Variants in ENPP1 observed in about 807,000 individuals in gnomAD.
The protein encoded by ENPP1 is ectonucleotide pyrophosphatase/phosphodiesterase family member 1.
ENPP1 carries 73 observed loss-of-function variants against 122.8 expected under a neutral mutation model. That is an observed-to-expected ratio of 0.59 (90% confidence interval 0.49 to 0.72). The LOEUF (loss-of-function observed/expected upper bound fraction) is 0.72. Among genes scored for constraint, ENPP1 ranks in the 30% least tolerant of loss-of-function variants. The probability of loss-of-function intolerance (pLI) is 0.00; values close to 1 mark genes in which losing one functional copy is unlikely to be tolerated. For synonymous variants in ENPP1, 367 were observed against 391.6 expected (o/e 0.94, Z 0.74); for missense variants, 978 against 1,128.1 (o/e 0.87, Z 1.91).
intron 21 of ENPP1, 96 bp downstream of exon 21, chr6:131,882,570 A>AC: frequency 8.0e-6 from 3 of 373,122 alleles, no homozygotes; most frequent in Non-Finnish European, 1.4e-5. Context: ...TATATATATT[A>AC]CCTATTATAT....
At chr6:131,840,795 A>G (rs1781730284) in intron 1 of ENPP1, among the ~76,000 whole-genome samples, 1 of 152,182 alleles carries the variant, frequency 6.6e-6, no homozygotes, top group African/African-American at 2.4e-5. Flanking sequence ...CTCAAGAAAT[A>G]TTTGTTCAAT....
At chr6:131,808,307 A>G (rs1781306618) in intron 1 of ENPP1, 32 bp downstream of exon 1, 7 of 1,481,786 alleles carry the variant, frequency 4.7e-6, no homozygotes, top group African/African-American at 1.4e-5. Flanking sequence ...GGCGCCCGGG[A>G]GGGCTGGGAG....
At chr6:131,827,072 C>A in intron 1 of ENPP1, 1 of 620,478 alleles carries the variant, frequency 1.6e-6, no homozygotes, top group South Asian at 1.6e-5. Flanking sequence ...CCTCCAGGGT[C>A]TGCTCCAGGC....
chr6:131,869,309 A>AT, intron 12 of ENPP1, 49 bp from the exon 13 acceptor site: 3 of 1,601,114 alleles, frequency 1.9e-6, no homozygotes, highest in Middle Eastern at 1.7e-4. Context: ...TGCATATTAA[A>AT]TTTTTTGTTA....
At chr6:131,855,330 ATAT>A (rs1420530464) in intron 6 of ENPP1, among the ~76,000 whole-genome samples, 2 of 151,962 alleles carry the variant, frequency 1.3e-5, no homozygotes, top group African/African-American at 4.8e-5. Flanking sequence ...TATTTTACAA[ATAT>A]TATTATTTTT....
rs147346173 is a variant in ENPP1, at chr6:131,884,949, A to G, written c.2330A>G (p.His777Arg). ...GTTTCAGTTATATGGCGCTACTTTC[A>G]TGACACCCTACTGCGAAAGTATGCT... ...QSFQVIWRYF[H>R]DTLLRKYAEE... Residue 777 changes from histidine to arginine, a missense_variant, in exon 23 of 25, where the codon CAT becomes CGT. Physicochemically the swap from His to Arg is conservative, Grantham distance 29 (BLOSUM62 0). Transcript: ENST00000647893. 2.4e-4 allele frequency: 389 copies of G among 1,614,142 alleles called. No individual in the cohort carries two copies. Among genetic ancestry groups the G allele is most frequent in the Non-Finnish European group, 3.1e-4 (368 of 1,179,988 alleles).
chr6:131,857,450 C>A (rs1781962220), intron 6 of ENPP1, among the ~76,000 whole-genome samples: 2 of 150,888 alleles, frequency 1.3e-5, no homozygotes, highest in Non-Finnish European at 2.9e-5. Flanking sequence ...CACATATACA[C>A]CATGGAATCC....
chr6:131,838,323 C>A (rs1314170800), intron 1 of ENPP1, among the ~76,000 whole-genome samples: 1 of 151,960 alleles, frequency 6.6e-6, no homozygotes, highest in Non-Finnish European at 1.5e-5. Flanking sequence ...GTAGAAATAT[C>A]TTTCAAAAAC....
At chr6:131,816,371 C>A (rs1348180558) in intron 1 of ENPP1, among the ~76,000 whole-genome samples, 1 of 152,054 alleles carries the variant, frequency 6.6e-6, no homozygotes, top group Non-Finnish European at 1.5e-5. Flanking sequence ...TAAAATACCC[C>A]CCAAACAAGA....
intron 1 of ENPP1, among the ~76,000 whole-genome samples, chr6:131,840,493 T>C (rs533775173): frequency 2.6e-5 from 4 of 152,368 alleles, no homozygotes; most frequent in African/African-American, 7.2e-5. Flanking sequence ...CTTTCAGTGA[T>C]TGGATACTTC....
intron 1 of ENPP1, among the ~76,000 whole-genome samples, chr6:131,830,535 AT>A (rs1306001876): frequency 6.6e-6 from 1 of 152,208 alleles, no homozygotes; most frequent in Non-Finnish European, 1.5e-5. Context: ...CTGTCTGCAC[AT>A]TGTTGATTTA....
At chr6:131,864,469 TC>T in intron 9 of ENPP1, 36 bp from the exon 10 acceptor site, 1 of 1,366,494 alleles carries the variant, frequency 7.3e-7, no homozygotes, top group Non-Finnish European at 1.0e-6. Context: ...CAAACAATTG[TC>T]AGCCATCTTT....
chr6:131,872,803 G>GACAC, intron 14 of ENPP1, 120 bp from the exon 15 acceptor site: 1 of 1,008,698 alleles, frequency 9.9e-7, no homozygotes, highest in Non-Finnish European at 1.4e-6. Context: ...AAGAAAAGTT[G>GACAC]ACACTTTTTA....
chr6:131,837,395 G>A (rs994305415), intron 1 of ENPP1, among the ~76,000 whole-genome samples: 54 of 151,458 alleles, frequency 3.6e-4, no homozygotes, highest in Middle Eastern at 3.4e-3. Context: ...GTGTGGTGGC[G>A]CATGCCTGTA....
chr6:131,890,267 G>T (rs1388189913), intron 24 of ENPP1, 74 bp from the exon 25 acceptor site: 4 of 1,162,890 alleles, frequency 3.4e-6, no homozygotes, highest in Non-Finnish European at 5.2e-6. Context: ...ATTAAACTGG[G>T]GAGATGGAGC....
intron 1 of ENPP1, among the ~76,000 whole-genome samples, chr6:131,810,642 C>T (rs2114646349): frequency 6.6e-6 from 1 of 152,294 alleles, no homozygotes; most frequent in East Asian, 1.9e-4. Flanking sequence ...GAACTAATTG[C>T]AACCTGGGGT....
intron 1 of ENPP1, chr6:131,826,265 T>C (rs10457576): frequency 0.23 from 268,544 of 1,158,428 alleles, 33,813 homozygotes; most frequent in Non-Finnish European, 0.26. Context: ...TTGTTGTTGG[T>C]TACAGCACAG....
chr6:131,874,364 G>T (rs755441756), intron 16 of ENPP1, 27 bp downstream of exon 16: 2 of 1,300,562 alleles, frequency 1.5e-6, no homozygotes, highest in Admixed American at 1.7e-5. Flanking sequence ...TACTTAATTG[G>T]ATTAAATCTA....
chr6:131,883,846 T>C (rs1171542751), intron 22 of ENPP1, 72 bp downstream of exon 22: 1 of 803,576 alleles, frequency 1.2e-6, no homozygotes, highest in African/African-American at 1.7e-5. Flanking sequence ...TCATATGTAA[T>C]AGGACTTATG....
Sources: allele counts gnomAD v4.1 joint callset (sites outside exome capture counted in the v4.1 genomes callset), GRCh38; gene constraint gnomAD v4.1.1; transcripts MANE v1.5; gene names NCBI Gene and HGNC (gene_info 2026-07-23, HGNC 2026-07-21).